EPHA3: variants seen among roughly 807,000 people sequenced by gnomAD.
EPHA3 encodes the protein EPH receptor A3, also known as ephrin type-A receptor 3.
Under a neutral mutation model 107.1 loss-of-function variants are expected in EPHA3, and 42 were observed. The ratio of observed to expected loss-of-function variants is 0.39; its 90% CI spans 0.31 to 0.51. EPHA3 has a LOEUF of 0.51. Among genes scored for constraint, EPHA3 ranks in the 20% least tolerant of loss-of-function variants. The pLI is 0.78. For synonymous variants in EPHA3, 461 were observed against 424.8 expected (o/e 1.09, Z -1.05); for missense variants, 1,183 against 1,211.2 (o/e 0.98, Z 0.35).
intron 3 of EPHA3, among the ~76,000 whole-genome samples, chr3:89,211,518 C>T (rs1471240704): frequency 1.3e-5 from 2 of 151,978 alleles, no homozygotes; most frequent in African/African-American, 2.4e-5. Context: ...TACTCCTGAT[C>T]GCATAATCAG....
At chr3:89,354,346 T>A (rs1707899677) in intron 5 of EPHA3, among the ~76,000 whole-genome samples, 1 of 151,164 alleles carries the variant, frequency 6.6e-6, no homozygotes, top group South Asian at 2.1e-4. Context: ...CTGGCAAAAC[T>A]CTTTCATAAT....
chr3:89,210,536 A>G lies in EPHA3; in HGVS notation c.814+16A>G. On this transcript the variant is annotated intron_variant, in intron 3 of 16. Coordinates refer to ENST00000336596, the MANE Select transcript of EPHA3 (RefSeq NM_005233.6). ...ATGTGCCAAGGTAAGAGCCTTCTCT[A>G]TTTTTCTTTGAGCAATATTTCTCAC... The G allele has an allele frequency of 6.6e-7, 1 of 1,517,856 alleles. No homozygotes were observed. Among genetic ancestry groups the G allele is most frequent in the Non-Finnish European group, 8.8e-7 (1 of 1,136,214 alleles). 94.0% of individuals were successfully genotyped at this position (1,517,856 alleles called of 1,614,324 possible). A position where few individuals can be genotyped will look rare whatever the true frequency, so the allele number is the denominator to read the frequency against.
chr3:89,348,838 AG>A (rs1455351757), intron 5 of EPHA3, among the ~76,000 whole-genome samples: 1 of 142,470 alleles, frequency 7.0e-6, no homozygotes, highest in Non-Finnish European at 1.5e-5. Flanking sequence ...TTGGTTTCAA[AG>A]AACATCTTTA....
intron 2 of EPHA3, among the ~76,000 whole-genome samples, chr3:89,135,327 G>A (rs1704288519): frequency 6.6e-6 from 1 of 152,042 alleles, no homozygotes; most frequent in African/African-American, 2.4e-5. Context: ...ATACATTAAT[G>A]CAATCATTTG....
rs115295138 is a variant in EPHA3, at chr3:89,153,150, T to C, written c.153+25877T>C. Among the ~76,000 whole-genome samples the C allele has an allele frequency of 6.0e-3, 914 of 152,218 alleles. 1 individual carries two copies. Among genetic ancestry groups the C allele is most frequent in the Middle Eastern group, 0.01 (3 of 294 alleles). On this transcript the variant is annotated intron_variant, in intron 2 of 16. Transcript: ENST00000336596. ...GATGTTTGGAAAATGAAGAGTTCCATTGTGAATTGACATGGGTAAAGGAAA... is the reference window on the plus strand; with the variant it reads ...GATGTTTGGAAAATGAAGAGTTCCACTGTGAATTGACATGGGTAAAGGAAA...
chr3:89,170,124 G>A (rs1345050597), intron 2 of EPHA3, among the ~76,000 whole-genome samples: 2 of 151,910 alleles, frequency 1.3e-5, no homozygotes, highest in Non-Finnish European at 2.9e-5. Flanking sequence ...GGTGGTGGGC[G>A]CCTGTGGTCC....
intron 13 of EPHA3, among the ~76,000 whole-genome samples, chr3:89,436,821 C>T (rs1161968651): frequency 6.6e-6 from 1 of 151,982 alleles, no homozygotes; most frequent in Non-Finnish European, 1.5e-5. Context: ...GACAGCATGC[C>T]GGATATGAAA....
At chr3:89,303,829 C>T (rs527481985) in intron 3 of EPHA3, among the ~76,000 whole-genome samples, 40 of 152,244 alleles carry the variant, frequency 2.6e-4, no homozygotes, top group Admixed American at 1.8e-3. Flanking sequence ...TTCCTCCATA[C>T]ATACAAATAG....
At chr3:89,471,494 G>A (rs1330710691) in intron 15 of EPHA3, among the ~76,000 whole-genome samples, 1 of 152,038 alleles carries the variant, frequency 6.6e-6, no homozygotes, top group African/African-American at 2.4e-5. Context: ...TCAGCGTCCC[G>A]AGTAGCTGGG....
intron 3 of EPHA3, among the ~76,000 whole-genome samples, chr3:89,287,180 T>C (rs1023314502): frequency 7.9e-5 from 12 of 152,128 alleles, no homozygotes; most frequent in African/African-American, 2.9e-4. Flanking sequence ...TTATTGAACG[T>C]CAAGCACAGT....
chr3:89,415,663 C>T (rs538862057), intron 10 of EPHA3, among the ~76,000 whole-genome samples: 1 of 151,078 alleles, frequency 6.6e-6, no homozygotes, highest in South Asian at 2.1e-4. Context: ...GTGAGGAATT[C>T]ATGACTACAA....
At chr3:89,451,227 T>C (rs1709983835) in intron 15 of EPHA3, among the ~76,000 whole-genome samples, 1 of 152,122 alleles carries the variant, frequency 6.6e-6, no homozygotes, top group Non-Finnish European at 1.5e-5. Context: ...TGCATATTCT[T>C]TTAGGTTAAG....
intron 2 of EPHA3, among the ~76,000 whole-genome samples, chr3:89,191,291 T>C (rs1202567156): frequency 6.7e-6 from 1 of 148,206 alleles, no homozygotes; most frequent in Non-Finnish European, 1.5e-5. Flanking sequence ...TTTATTTTTA[T>C]TTTTTTAATT....
At chr3:89,268,400 A>G (rs1705586697) in intron 3 of EPHA3, among the ~76,000 whole-genome samples, 1 of 152,134 alleles carries the variant, frequency 6.6e-6, no homozygotes, top group Admixed American at 6.6e-5. Flanking sequence ...AGAAACAATA[A>G]GAAAGGTTCG....
chr3:89,340,279 G>A (rs1402659604), intron 3 of EPHA3, among the ~76,000 whole-genome samples: 3 of 151,998 alleles, frequency 2.0e-5, no homozygotes, highest in African/African-American at 7.2e-5. Flanking sequence ...GTTTAAATAG[G>A]AACTGTATAT....
chr3:89,167,685 T>C (rs760633290), intron 2 of EPHA3, among the ~76,000 whole-genome samples: 1 of 152,142 alleles, frequency 6.6e-6, no homozygotes, highest in Non-Finnish European at 1.5e-5. Context: ...CAAGGGTTCC[T>C]TCCTTTAGAA....
Position 89,208,442 on chromosome 3 carries a change from G to GAA in EPHA3, c.154-1416_154-1415dup, listed in dbSNP as rs1706170549. Among the ~76,000 whole-genome samples, 8 of 104,680 alleles carry GAA rather than the reference G, an allele frequency of 7.6e-5. 1 individual carries two copies. Among genetic ancestry groups the GAA allele is most frequent in the Non-Finnish European group, 1.5e-4 (8 of 54,754 alleles). 68.7% of individuals were successfully genotyped at this position (104,680 alleles called of 152,430 possible). A position where few individuals can be genotyped will look rare whatever the true frequency, so the allele number is the denominator to read the frequency against. Reference sequence around the variant, plus strand: ...AGGAAGGAAGAAAGAAAGAAAGAAAGAAAGAAAGAAAGAAAGAAAGAAAGA... The same window carrying GAA: ...AGGAAGGAAGAAAGAAAGAAAGAAAGAAAAAGAAAGAAAGAAAGAAAGAAAGA... On this transcript the variant is annotated intron_variant, in intron 2 of 16. Coordinates refer to ENST00000336596, the MANE Select transcript of EPHA3 (RefSeq NM_005233.6).
At chr3:89,253,097 G>A (rs1006264163) in intron 3 of EPHA3, among the ~76,000 whole-genome samples, 11 of 152,080 alleles carry the variant, frequency 7.2e-5, no homozygotes, top group African/African-American at 2.2e-4. Flanking sequence ...GGTTAAAAGA[G>A]TTCTGCAAAT....
intron 13 of EPHA3, among the ~76,000 whole-genome samples, chr3:89,447,765 C>T (rs1709904645): frequency 6.6e-6 from 1 of 152,044 alleles, no homozygotes; most frequent in Non-Finnish European, 1.5e-5. Flanking sequence ...CGTTTAGTCC[C>T]ACATAAATAC....
Sources: allele counts gnomAD v4.1 joint callset (sites outside exome capture counted in the v4.1 genomes callset), GRCh38; gene constraint gnomAD v4.1.1; transcripts MANE v1.5; gene names NCBI Gene and HGNC (gene_info 2026-07-23, HGNC 2026-07-21).